The following ASPH variants were observed in gnomAD, a reference collection of about 807,000 sequenced individuals.
ASPH encodes the protein aspartate beta-hydroxylase.
In ASPH, 100 loss-of-function variants were observed where a neutral mutation model predicts 118.4. That is an observed-to-expected ratio of 0.84 (90% confidence interval 0.72 to 1.00). The LOEUF (loss-of-function observed/expected upper bound fraction) is 1.00, where lower values mean the gene tolerates loss of function less well. ASPH is among the 50% of genes least tolerant of loss of function. ASPH has a pLI of 0.00. For missense variants in ASPH, 920 were observed against 919.5 expected (o/e 1.00, Z -0.01); for synonymous variants, 315 against 325.6 (o/e 0.97, Z 0.35).
chr8:61,653,774 T>C, intron 3 of ASPH, 114 bp from the exon 4 acceptor site: 1 of 1,082,322 alleles, frequency 9.2e-7, no homozygotes, highest in Non-Finnish European at 1.3e-6. Context: ...TAATTAATAG[T>C]TTCTAAAATT....
chr8:61,676,706 C>T (rs982964696), intron 3 of ASPH, among the ~76,000 whole-genome samples: 6 of 152,048 alleles, frequency 3.9e-5, no homozygotes, highest in African/African-American at 1.4e-4. Flanking sequence ...ACTCTGACAA[C>T]CTCCAGATTT....
intron 21 of ASPH, among the ~76,000 whole-genome samples, chr8:61,527,737 A>C (rs757211655): frequency 6.6e-6 from 1 of 151,868 alleles, no homozygotes; most frequent in Non-Finnish European, 1.5e-5. Context: ...GCAGGTGAGG[A>C]GTGTTGGGAG....
chr8:61,597,708 C>T (rs1398069194), intron 14 of ASPH, among the ~76,000 whole-genome samples: 2 of 151,974 alleles, frequency 1.3e-5, no homozygotes, highest in Non-Finnish European at 2.9e-5. Context: ...ATCTTTCAGG[C>T]CAGAAGAGAA....
At chr8:61,682,538 T>C (rs1460874889) in intron 2 of ASPH, 2 of 1,476,414 alleles carry the variant, frequency 1.4e-6, no homozygotes, top group Non-Finnish European at 1.9e-6. Context: ...GTACAAATAC[T>C]TAAAGTGTCC....
intron 18 of ASPH, among the ~76,000 whole-genome samples, chr8:61,560,550 G>A (rs958351984): frequency 2.6e-5 from 4 of 151,784 alleles, no homozygotes; most frequent in African/African-American, 9.7e-5. Context: ...TAACTTAAAA[G>A]TGAGAGGACC....
intron 21 of ASPH, among the ~76,000 whole-genome samples, chr8:61,534,940 C>T (rs1323654680): frequency 3.3e-5 from 5 of 152,196 alleles, no homozygotes; most frequent in Non-Finnish European, 5.9e-5. Flanking sequence ...TGGTTTCTTT[C>T]GAGGGCTCTC....
At chr8:61,674,408 C>G (rs1273781441) in intron 3 of ASPH, among the ~76,000 whole-genome samples, 2 of 152,206 alleles carry the variant, frequency 1.3e-5, no homozygotes, top group African/African-American at 2.4e-5. Context: ...TATTTGGAAA[C>G]AGAAGCTTTA....
chr8:61,596,668 C>T (rs1293642681), intron 14 of ASPH, among the ~76,000 whole-genome samples: 1 of 152,246 alleles, frequency 6.6e-6, no homozygotes, highest in East Asian at 1.9e-4. Flanking sequence ...ACTGAGACTA[C>T]ACTACTGCGC....
At chr8:61,521,146 GA>G (rs1812831912) in intron 22 of ASPH, among the ~76,000 whole-genome samples, 1 of 152,128 alleles carries the variant, frequency 6.6e-6, no homozygotes. Context: ...CATGTCATAA[GA>G]AGGCTCAATT....
At chr8:61,531,198 C>T (rs1817443461) in intron 21 of ASPH, among the ~76,000 whole-genome samples, 1 of 152,162 alleles carries the variant, frequency 6.6e-6, no homozygotes, top group East Asian at 1.9e-4. Flanking sequence ...TTTTATTCTA[C>T]CTTTTGCCAA....
In ASPH at chr8:61,503,263, G is replaced by T; in HGVS notation, c.*96C>A. 1 of 1,395,960 alleles carries T rather than the reference G, an allele frequency of 7.2e-7. No individual in the cohort carries two copies. Among genetic ancestry groups the T allele is most frequent in the South Asian group, 1.5e-5 (1 of 66,266 alleles). The allele number at this position is 1,395,960 out of a possible 1,614,324, so 86.5% of individuals were successfully genotyped here. On this transcript the variant is annotated 3_prime_UTR_variant, in exon 25 of 25. Transcript: ENST00000379454. ...ACTCGGGCTGCAAGTCAAGGGAATT[G>T]ACTCTTGGTGTTCGAAATTCTATCC... is the stretch of plus-strand genomic sequence containing the variant.
At chr8:61,664,246 T>C in intron 3 of ASPH, 1 of 968,144 alleles carries the variant, frequency 1.0e-6, no homozygotes, top group Non-Finnish European at 1.2e-6. Context: ...GTGAAGAGAT[T>C]ACATTTGCAA....
Position 61,684,161 on chromosome 8 carries a change from C to T in ASPH, c.131G>A (p.Gly44Glu), listed in dbSNP as rs776880681. ...RETKHGGHKNGRKGGLSGTSF... is the reference protein window; with the variant it reads ...RETKHGGHKNERKGGLSGTSF... ...AGTTCCTGAGAGTCCGCCTTTCCTC[C>T]CATTCTTGTGTCCTCCATGCTTTGT... Residue 44 changes from glycine to glutamate, a missense_variant, in exon 2 of 25, where the codon GGG (glycine) becomes GAG (glutamate). By Grantham distance (98) the Gly-to-Glu change is moderately conservative (BLOSUM62 -2). Transcript: ENST00000379454. The T allele has an allele frequency of 1.8e-5, 29 of 1,613,098 alleles. No homozygotes were observed. Among genetic ancestry groups the T allele is most frequent in the Non-Finnish European group, 2.2e-5 (26 of 1,179,486 alleles).
intron 12 of ASPH, among the ~76,000 whole-genome samples, chr8:61,634,332 C>T (rs568507126): frequency 8.5e-5 from 13 of 152,154 alleles, no homozygotes; most frequent in Non-Finnish European, 1.6e-4. Flanking sequence ...CCTAGCAACC[C>T]ATTTAACATT....
At chr8:61,513,767 C>A (rs754679021) in intron 24 of ASPH, among the ~76,000 whole-genome samples, 3 of 152,164 alleles carry the variant, frequency 2.0e-5, no homozygotes, top group Non-Finnish European at 4.4e-5. Context: ...AGTTAATATT[C>A]TCATTCAAGA....
intron 15 of ASPH, among the ~76,000 whole-genome samples, chr8:61,577,414 A>C (rs993094544): frequency 6.0e-5 from 9 of 149,154 alleles, no homozygotes; most frequent in African/African-American, 2.2e-4. Flanking sequence ...AAAAAAAAAA[A>C]AAAAAAAAAG....
chr8:61,707,555 T>C (rs1019746638), intron 1 of ASPH, among the ~76,000 whole-genome samples: 2 of 152,188 alleles, frequency 1.3e-5, no homozygotes, highest in Non-Finnish European at 2.9e-5. Context: ...AAGTCTAATG[T>C]GTGTACTTTC....
intron 21 of ASPH, among the ~76,000 whole-genome samples, chr8:61,527,383 G>A (rs1013940748): frequency 3.3e-5 from 5 of 152,204 alleles, no homozygotes; most frequent in Admixed American, 2.0e-4. Context: ...GAATCAGGAT[G>A]GCTGCAGAGC....
At chr8:61,698,714 G>C (rs878954257) in intron 1 of ASPH, among the ~76,000 whole-genome samples, 2 of 152,120 alleles carry the variant, frequency 1.3e-5, no homozygotes, top group Non-Finnish European at 1.5e-5. Flanking sequence ...GCTGTTAGCC[G>C]CCAGTCAATT....
Sources: allele counts gnomAD v4.1 joint callset (sites outside exome capture counted in the v4.1 genomes callset), GRCh38; gene constraint gnomAD v4.1.1; transcripts MANE v1.5; gene names NCBI Gene and HGNC (gene_info 2026-07-23, HGNC 2026-07-21).